The following SLC30A8 variants were observed in gnomAD, a reference collection of about 807,000 sequenced individuals.
SLC30A8 encodes the protein proton-coupled zinc antiporter SLC30A8.
In SLC30A8, 27 loss-of-function variants were observed where a neutral mutation model predicts 36.9. The observed-to-expected ratio is 0.73, with a 90% confidence interval of 0.54 to 1.01. The LOEUF is 1.01. SLC30A8 is among the 50% of genes least tolerant of loss of function. The pLI is 0.00. For synonymous variants in SLC30A8, 164 were observed against 172.4 expected (o/e 0.95, Z 0.38); for missense variants, 439 against 452.0 (o/e 0.97, Z 0.26).
At chr8:117,122,307 A>G (rs1306587031) in intron 2 of SLC30A8, among the ~76,000 whole-genome samples, 1 of 152,004 alleles carries the variant, frequency 6.6e-6, no homozygotes, top group East Asian at 1.9e-4. Context: ...AGAGCTTATG[A>G]AGTGTTAGGC....
At chr8:117,117,346 T>G (rs542396240) in intron 2 of SLC30A8, among the ~76,000 whole-genome samples, 1 of 152,052 alleles carries the variant, frequency 6.6e-6, no homozygotes, top group Non-Finnish European at 1.5e-5. Flanking sequence ...TCTAAATATG[T>G]GGATAATTTA....
intron 2 of SLC30A8, among the ~76,000 whole-genome samples, chr8:117,107,105 A>T (rs1456149608): frequency 6.6e-6 from 1 of 152,148 alleles, no homozygotes; most frequent in East Asian, 1.9e-4. Flanking sequence ...CTATTTTCTT[A>T]TACTAGTGAA....
chr8:117,161,983 T>C (rs1002995173), intron 5 of SLC30A8, 95 bp downstream of exon 5: 3 of 1,109,288 alleles, frequency 2.7e-6, no homozygotes, highest in African/African-American at 3.2e-5. Context: ...ATGGGCATCC[T>C]CTGTTTACCT....
At chr8:117,018,092 C>T (rs372003210) in intron 1 of SLC30A8, 1 of 152,152 alleles carries the variant, frequency 6.6e-6, no homozygotes, top group African/African-American at 2.4e-5. Flanking sequence ...TGGTGACCTC[C>T]CTGGGAACAG....
chr8:117,038,121 A>G (rs1157115269), intron 1 of SLC30A8, among the ~76,000 whole-genome samples: 1 of 152,190 alleles, frequency 6.6e-6, no homozygotes, highest in East Asian at 1.9e-4. Flanking sequence ...ATTTCTCTAA[A>G]CAGTAATTTT....
rs560272508 is a variant in SLC30A8 at position 117,135,177 on chromosome 8, C to G, written c.-151C>G. On this transcript the variant is annotated 5_prime_UTR_variant, in exon 1 of 8. Transcript: ENST00000456015. ...AATTTTAGCAGACCTACCAACAACA[C>G]TGATGTAGGAAGCTCATTATTTTAA... 2.1e-6 allele frequency: 1 copy of G among 483,618 alleles called. No individual in the cohort carries two copies. Among genetic ancestry groups the G allele is most frequent in the African/African-American group, 1.9e-5 (1 of 51,288 alleles). 30.0% of individuals were successfully genotyped at this position (483,618 alleles called of 1,614,324 possible). A position where few individuals can be genotyped will look rare whatever the true frequency, so the allele number is the denominator to read the frequency against.
intron 1 of SLC30A8, among the ~76,000 whole-genome samples, chr8:116,983,889 T>G (rs1266348476): frequency 6.6e-6 from 1 of 152,154 alleles, no homozygotes; most frequent in East Asian, 1.9e-4. Context: ...CCTGTGCAAT[T>G]TTTATCGTGT....
At chr8:117,009,498 T>C (rs912157906) in intron 1 of SLC30A8, among the ~76,000 whole-genome samples, 3 of 152,230 alleles carry the variant, frequency 2.0e-5, no homozygotes, top group Admixed American at 6.5e-5. Context: ...AGATGGGGCA[T>C]TGGCAATTTT....
chr8:117,077,809 C>CT (rs1818537465), intron 2 of SLC30A8, among the ~76,000 whole-genome samples: 1 of 152,204 alleles, frequency 6.6e-6, no homozygotes, highest in African/African-American at 2.4e-5. Context: ...TATTGGCAAT[C>CT]TTTCTAGAGC....
At position 117,091,476 on chromosome 8, in the gene SLC30A8, T is replaced by C. The variant is rs540363018; in HGVS notation, c.-225-43804T>C. Among the ~76,000 whole-genome samples, 602 of 152,276 alleles carry C rather than the reference T, an allele frequency of 4.0e-3. 4 individuals are homozygous for C. Among genetic ancestry groups the C allele is most frequent in the African/African-American group, 0.013 (533 of 41,546 alleles). On this transcript the variant is annotated intron_variant, in intron 2 of 10. Coordinates refer to the SLC30A8 transcript ENST00000427715. ...AGCTTGATCTCCAGGCAGCTTTCAG[T>C]TTCTGCCCTGCCTCCGTAGATGGTC...
At chr8:117,054,989 A>T (rs564631437) in intron 2 of SLC30A8, among the ~76,000 whole-genome samples, 1 of 152,332 alleles carries the variant, frequency 6.6e-6, no homozygotes, top group African/African-American at 2.4e-5. Flanking sequence ...CAGCTAAAAG[A>T]TCTTGCAACT....
At chr8:117,036,573 G>A (rs1368842524) in intron 1 of SLC30A8, among the ~76,000 whole-genome samples, 2 of 152,132 alleles carry the variant, frequency 1.3e-5, no homozygotes, top group Admixed American at 6.5e-5. Flanking sequence ...TCCAATCATG[G>A]CGGAAGGGGA....
chr8:117,008,378 G>A (rs1187428356), intron 1 of SLC30A8, among the ~76,000 whole-genome samples: 1 of 152,184 alleles, frequency 6.6e-6, no homozygotes, highest in Non-Finnish European at 1.5e-5. Flanking sequence ...TAACAGGAGA[G>A]AATCCCAAAG....
chr8:116,981,526 A>T (rs545081517), intron 1 of SLC30A8, among the ~76,000 whole-genome samples: 1 of 152,334 alleles, frequency 6.6e-6, no homozygotes, highest in African/African-American at 2.4e-5. Flanking sequence ...GGTAATAAGC[A>T]TAGCACCTGT....
At chr8:116,981,916 C>T (rs2130644436) in intron 1 of SLC30A8, among the ~76,000 whole-genome samples, 1 of 152,224 alleles carries the variant, frequency 6.6e-6, no homozygotes, top group South Asian at 2.1e-4. Flanking sequence ...CATTTACATT[C>T]CTTTGTGTAT....
intron 1 of SLC30A8, among the ~76,000 whole-genome samples, chr8:117,001,847 T>C (rs1211578699): frequency 6.6e-6 from 1 of 152,208 alleles, no homozygotes; most frequent in East Asian, 1.9e-4. Flanking sequence ...GGAGCTCTGC[T>C]AGGTGCTATG....
At chr8:117,098,506 G>A (rs956629282) in intron 2 of SLC30A8, among the ~76,000 whole-genome samples, 8 of 152,098 alleles carry the variant, frequency 5.3e-5, no homozygotes, top group African/African-American at 1.7e-4. Flanking sequence ...TGCGTGTCTG[G>A]GATAAACTGC....
chr8:117,160,247 G>A (rs1822708252), intron 4 of SLC30A8, among the ~76,000 whole-genome samples: 1 of 152,232 alleles, frequency 6.6e-6, no homozygotes, highest in Admixed American at 6.5e-5. Flanking sequence ...TGCCTGCTAA[G>A]TTTTCACTGC....
chr8:117,088,615 T>C (rs7831108), intron 2 of SLC30A8, among the ~76,000 whole-genome samples: 5,002 of 152,282 alleles, frequency 0.033, 193 homozygotes, highest in African/African-American at 0.097. Context: ...AAACTTGGGG[T>C]ATTTAAGACA....
Sources: allele counts gnomAD v4.1 joint callset (sites outside exome capture counted in the v4.1 genomes callset), GRCh38; gene constraint gnomAD v4.1.1; transcripts MANE v1.5; gene names NCBI Gene and HGNC (gene_info 2026-07-23, HGNC 2026-07-21).